SAMD12: variants seen among roughly 807,000 people sequenced by gnomAD.
SAMD12 encodes the protein sterile alpha motif domain containing 12.
A neutral mutation model predicts 15.0 loss-of-function variants in SAMD12; 9 were observed. The ratio of observed to expected loss-of-function variants is 0.60; its 90% CI spans 0.36 to 1.05. The LOEUF is 1.05. SAMD12 is among the 50% of genes least tolerant of loss of function. The pLI is 0.01. For missense variants in SAMD12, 230 were observed against 234.2 expected (o/e 0.98, Z 0.12); for synonymous variants, 86 against 90.1 (o/e 0.96, Z 0.25).
At chr8:118,490,879 C>T (rs1824422632) in intron 2 of SAMD12, among the ~76,000 whole-genome samples, 1 of 151,970 alleles carries the variant, frequency 6.6e-6, no homozygotes, top group South Asian at 2.1e-4. Context: ...GGAAATGAAG[C>T]CTTTTCTTTG....
chr8:118,563,097 C>A (rs1813150121), intron 2 of SAMD12, among the ~76,000 whole-genome samples: 1 of 152,122 alleles, frequency 6.6e-6, no homozygotes, highest in South Asian at 2.1e-4. Flanking sequence ...TATAGATAGA[C>A]AAAATGCAAA....
intron 4 of SAMD12, among the ~76,000 whole-genome samples, chr8:118,349,620 C>A (rs1817853416): frequency 6.6e-6 from 1 of 152,206 alleles, no homozygotes; most frequent in Non-Finnish European, 1.5e-5. Flanking sequence ...CCCTAACTAA[C>A]ACACTGAGCT....
At chr8:118,516,758 C>G (rs1341277793) in intron 2 of SAMD12, among the ~76,000 whole-genome samples, 1 of 151,912 alleles carries the variant, frequency 6.6e-6, no homozygotes, top group African/African-American at 2.4e-5. Context: ...CCTGCCTCAG[C>G]CTCCCGAGTA....
intron 4 of SAMD12, among the ~76,000 whole-genome samples, chr8:118,236,912 T>C (rs1002055793): frequency 4.6e-5 from 7 of 152,244 alleles, no homozygotes; most frequent in Non-Finnish European, 7.4e-5. Context: ...TAATCAGCCC[T>C]GAGAAGACCA....
chr8:118,240,251 T>C (rs935361537), intron 4 of SAMD12, among the ~76,000 whole-genome samples: 11 of 152,132 alleles, frequency 7.2e-5, no homozygotes, highest in African/African-American at 2.7e-4. Context: ...ATTGACACAT[T>C]GACTGCAACG....
chr8:118,225,211 T>C (rs1432645254), intron 4 of SAMD12, among the ~76,000 whole-genome samples: 1 of 152,126 alleles, frequency 6.6e-6, no homozygotes, highest in Non-Finnish European at 1.5e-5. Context: ...CATCTTGAGG[T>C]TGGTACTACC....
At chr8:118,503,871 T>A (rs1824852606) in intron 2 of SAMD12, among the ~76,000 whole-genome samples, 1 of 152,228 alleles carries the variant, frequency 6.6e-6, no homozygotes, top group South Asian at 2.1e-4. Flanking sequence ...TTGTAGAGTC[T>A]GAGGGGCACA....
chr8:118,215,449 T>C (rs924706300), intron 4 of SAMD12, among the ~76,000 whole-genome samples: 1 of 140,536 alleles, frequency 7.1e-6, no homozygotes, highest in Non-Finnish European at 1.6e-5. Context: ...GCAAGAAAAA[T>C]AGTTGTCATT....
chr8:118,290,977 A>G (rs1814328208), intron 4 of SAMD12, among the ~76,000 whole-genome samples: 1 of 152,158 alleles, frequency 6.6e-6, no homozygotes, highest in Non-Finnish European at 1.5e-5. Context: ...CAAACTCACC[A>G]TTTCCTTGGC....
intron 2 of SAMD12, among the ~76,000 whole-genome samples, chr8:118,531,290 C>G (rs1825678443): frequency 6.6e-6 from 1 of 152,144 alleles, no homozygotes; most frequent in Non-Finnish European, 1.5e-5. Flanking sequence ...TGGTCTATAT[C>G]TCTGTTTTGG....
intron 4 of SAMD12, among the ~76,000 whole-genome samples, chr8:118,356,614 TC>T (rs1433014295): frequency 6.6e-6 from 1 of 152,142 alleles, no homozygotes; most frequent in African/African-American, 2.4e-5. Context: ...ACCGCACCAC[TC>T]CGATGGCATA....
chr8:118,228,595 T>G (rs1228391663), intron 4 of SAMD12, among the ~76,000 whole-genome samples: 5 of 151,238 alleles, frequency 3.3e-5, no homozygotes, highest in African/African-American at 9.8e-5. Flanking sequence ...CAATACCACC[T>G]TACTCTTGCA....
At chr8:118,400,630 T>A (rs1487717611) in intron 3 of SAMD12, 4 of 152,226 alleles carry the variant, frequency 2.6e-5, no homozygotes, top group Non-Finnish European at 5.9e-5. Context: ...TACATTTTTT[T>A]AACAATTGAA....
intron 4 of SAMD12, among the ~76,000 whole-genome samples, chr8:118,357,008 T>G (rs1482862829): frequency 6.6e-6 from 1 of 152,226 alleles, no homozygotes. Flanking sequence ...AATTGGACTA[T>G]CTGACCTCCT....
intron 2 of SAMD12, among the ~76,000 whole-genome samples, chr8:118,509,431 G>T (rs1825012846): frequency 6.6e-6 from 1 of 152,102 alleles, no homozygotes. Context: ...ATAGCTTGAG[G>T]GTTTCATAAA....
chr8:118,198,025 C>T (rs17507250), intron 4 of SAMD12, among the ~76,000 whole-genome samples: 4,321 of 152,250 alleles, frequency 0.028, 114 homozygotes, highest in African/African-American at 0.066. Flanking sequence ...AGCCCTATGG[C>T]GGGGCTGCAG....
chr8:118,262,861 T>C (rs1813112222), intron 4 of SAMD12, among the ~76,000 whole-genome samples: 1 of 152,140 alleles, frequency 6.6e-6, no homozygotes, highest in African/African-American at 2.4e-5. Flanking sequence ...TCAGTTGTTA[T>C]GAGTATTTTC....
the SAMD12 span, among the ~76,000 whole-genome samples, chr8:118,134,138 T>A: frequency 6.6e-6 from 1 of 152,200 alleles, no homozygotes; most frequent in African/African-American, 2.4e-5. Flanking sequence ...ATGGGAAATG[T>A]TAGCTTTCTC....
chr8:118,138,641 T>C, the SAMD12 span, among the ~76,000 whole-genome samples: 2 of 152,228 alleles, frequency 1.3e-5, no homozygotes, highest in Admixed American at 6.5e-5. Context: ...GTATTTTGTA[T>C]AGAAGCCTGA....
Sources: allele counts gnomAD v4.1 joint callset (sites outside exome capture counted in the v4.1 genomes callset), GRCh38; gene constraint gnomAD v4.1.1; transcripts MANE v1.5; gene names NCBI Gene and HGNC (gene_info 2026-07-23, HGNC 2026-07-21).